The following KMT2E variants were observed in gnomAD, a reference collection of about 807,000 sequenced individuals.
The protein encoded by KMT2E is lysine methyltransferase 2E (inactive), also known as histone reader KMT2E.
A neutral mutation model predicts 184.6 loss-of-function variants in KMT2E; 30 were observed. The ratio of observed to expected loss-of-function variants is 0.16; its 90% CI spans 0.12 to 0.22. The LOEUF is 0.22. Among genes scored for constraint, KMT2E ranks in the 10% least tolerant of loss-of-function variants. The probability of loss-of-function intolerance (pLI) is 1.00; values close to 1 mark genes in which losing one functional copy is unlikely to be tolerated. For synonymous variants in KMT2E, 815 were observed against 776.5 expected, an observed-to-expected ratio of 1.05 and a Z score of -0.82; for missense variants, 2,023 against 2,237.4, an observed-to-expected ratio of 0.90 and a Z score of 1.93.
intron 1 of KMT2E, among the ~76,000 whole-genome samples, chr7:105,034,721 A>G (rs537615153): frequency 1.2e-4 from 18 of 152,132 alleles, no homozygotes; most frequent in South Asian, 4.2e-4. Context: ...TTGTTCTCCT[A>G]TGTAACCATA....
intron 17 of KMT2E, chr7:105,103,067 C>G (rs186762785): frequency 6.5e-4 from 99 of 152,194 alleles, no homozygotes; most frequent in African/African-American, 2.3e-3. Context: ...CTTACTGCAC[C>G]GCCATAGCTT....
intron 3 of KMT2E, among the ~76,000 whole-genome samples, chr7:105,059,754 T>C (rs1796715310): frequency 6.6e-6 from 1 of 151,808 alleles, no homozygotes; most frequent in African/African-American, 2.4e-5. Flanking sequence ...GTAGATATAA[T>C]GATGCATAGA....
chr7:105,100,326 A>G (rs1022391957), intron 15 of KMT2E, among the ~76,000 whole-genome samples: 1 of 152,228 alleles, frequency 6.6e-6, no homozygotes, highest in Non-Finnish European at 1.5e-5. Context: ...AGGTATCTTG[A>G]GGCTTGAATC....
intron 1 of KMT2E, among the ~76,000 whole-genome samples, chr7:105,023,704 C>T (rs1313367158): frequency 6.6e-6 from 1 of 152,090 alleles, no homozygotes; most frequent in Non-Finnish European, 1.5e-5. Flanking sequence ...CTTGGCCTTC[C>T]AAAGTGCTGG....
chr7:105,096,846 T>TTCATCCTTCACATCAAGTATTCCAC (rs1798431991), intron 15 of KMT2E, among the ~76,000 whole-genome samples: 1 of 152,194 alleles, frequency 6.6e-6, no homozygotes, highest in African/African-American at 2.4e-5. Context: ...TTTCTCGGCT[T>TTCATCCTTCACATCAAGTATTCCAC]TCATCCTTCA....
Position 105,078,960 on chromosome 7 carries a change from A to C in KMT2E, c.1245A>C (p.Ala415=). The change falls in exon 12 of 27, where the codon GCA becomes GCC. Residue 415 remains alanine (A), a synonymous_variant. Transcript: ENST00000311117. ...TCAGGCGGTCTTGTACACCCAATGC[A>C]GAGGTAAGCTTATAGAAATTTTTTG... is the stretch of plus-strand genomic sequence containing the variant. ...RFIRRSCTPN[A]EVRHEIQDGT... 3.2e-6 allele frequency: 5 copies of C among 1,579,136 alleles called. No individual in the cohort carries two copies. The highest frequency in any genetic ancestry group is 4.4e-6 in the Non-Finnish European group (5 of 1,148,788).
At chr7:105,022,790 T>C (rs1321999745) in intron 1 of KMT2E, among the ~76,000 whole-genome samples, 2 of 152,190 alleles carry the variant, frequency 1.3e-5, no homozygotes, top group African/African-American at 4.8e-5. Context: ...CATACACATA[T>C]ACACCAGGGT....
Position 105,036,175 on chromosome 7 carries a change from G to GT in KMT2E, c.-188-1940dup, listed in dbSNP as rs766099270. ...TGTTGTTGTTGTTGTTGTTCTTTTG[G>GT]TTTTTTTTTTTGTTTTTTTTTTTGG... is the stretch of plus-strand genomic sequence containing the variant. On this transcript the variant is annotated intron_variant, in intron 1 of 26. Transcript: ENST00000311117. Among the ~76,000 whole-genome samples, 740 of 133,068 alleles carry GT rather than the reference G, an allele frequency of 5.6e-3. 4 individuals carry two copies. Among genetic ancestry groups the GT allele is most frequent in the Middle Eastern group, 0.016 (4 of 254 alleles). The allele number at this position is 133,068 out of a possible 152,430, so 87.3% of individuals were successfully genotyped here.
In KMT2E at chr7:105,071,051, A is replaced by G. The variant is rs530217100; in HGVS notation, c.498-2568A>G. Among the ~76,000 whole-genome samples, 3 of 152,300 alleles carry G rather than the reference A, an allele frequency of 2.0e-5. No homozygotes were observed. In the East Asian group the frequency reaches 5.8e-4, roughly 29 times the overall value. ...GCTTATTATATGTAGATATGTATCT[A>G]TATATTTGTATTTCCTTCCTTATTT... On this transcript the variant is annotated intron_variant, in intron 6 of 26. Transcript: ENST00000311117.
chr7:105,101,762 C>G, intron 16 of KMT2E, 124 bp from the exon 17 acceptor site: 3 of 986,488 alleles, frequency 3.0e-6, no homozygotes, highest in East Asian at 2.8e-5. Flanking sequence ...TATCTCTGTT[C>G]TTTATTATAT....
chr7:105,100,922 G>C (rs1487346868), intron 15 of KMT2E, among the ~76,000 whole-genome samples: 3 of 152,018 alleles, frequency 2.0e-5, no homozygotes, highest in Admixed American at 2.0e-4. Context: ...AACTTGCCTG[G>C]AGTCACAGAG....
Position 105,112,911 on chromosome 7 carries a change from C to A in KMT2E, c.5155C>A (p.Pro1719Thr), listed in dbSNP as rs777332579. 6 of 1,613,548 alleles carry A rather than the reference C, an allele frequency of 3.7e-6. No homozygotes were observed. Among genetic ancestry groups the A allele is most frequent in the South Asian group, 2.2e-5 (2 of 91,054 alleles). The change falls in exon 27 of 27, where the codon CCT becomes ACT. Residue 1719 changes from proline to threonine, a missense_variant. By Grantham distance (38) the Pro-to-Thr change is conservative. This residue lies in a region of KMT2E where 1,108 missense variants were observed against 1,050.9 expected (regional missense o/e 1.05). Coordinates refer to ENST00000311117, the MANE Select transcript of KMT2E (RefSeq NM_182931.3). The part of the protein sequence containing the change: ...HVVNSAPPPP[P>T]PPPPSSVLAS... Reference sequence around the variant, plus strand: ...TGTAAATTCAGCACCCCCACCACCCCCTCCGCCGCCACCTTCCAGTGTTTT... The same window carrying A: ...TGTAAATTCAGCACCCCCACCACCCACTCCGCCGCCACCTTCCAGTGTTTT...
chr7:105,061,961 ATTTAT>A (rs1393723733), intron 3 of KMT2E, 198 bp from the exon 4 acceptor site: 8 of 393,946 alleles, frequency 2.0e-5, no homozygotes, highest in Admixed American at 4.3e-5. Context: ...GGATTGGGAC[ATTTAT>A]TTTACTTAAA....
chr7:105,101,946 C>G lies in KMT2E; in HGVS notation c.1948C>G (p.Gln650Glu). The change falls in exon 17 of 27, where the codon CAG (glutamine) becomes GAG (glutamate). Residue 650 changes from glutamine to glutamate, a missense_variant. By Grantham distance (29) the Gln-to-Glu change is conservative (BLOSUM62 2). Coordinates refer to ENST00000311117, the MANE Select transcript of KMT2E (RefSeq NM_182931.3). The part of the protein sequence containing the change: ...PTPAKVNRTK[Q>E]RKSFSRSRTH... ...CCCTGCCAAAGTAAATAGAACTAAA[C>G]AGAGAAAAAGTTTTTCTCGGAGTAG... 1 of 1,613,620 alleles carries G rather than the reference C, an allele frequency of 6.2e-7. No individual in the cohort carries two copies. Among genetic ancestry groups the G allele is most frequent in the Non-Finnish European group, 8.5e-7 (1 of 1,179,824 alleles).
In KMT2E at chr7:105,107,625, T is replaced by C. The variant is rs778649383; in HGVS notation, c.3168T>C (p.Thr1056=). The C allele has an allele frequency of 1.8e-5, 29 of 1,614,036 alleles. No homozygotes were observed. The highest frequency in any genetic ancestry group is 2.3e-5 in the Non-Finnish European group (27 of 1,180,022). The change falls in exon 22 of 27, where the codon ACT becomes ACC. Residue 1056 remains threonine, a synonymous_variant. Coordinates refer to ENST00000311117, the MANE Select transcript of KMT2E (RefSeq NM_182931.3). ...AGCCCAACAGCCAACTGGACTCGAC[T>C]CACTCTGGACGGGGCACAATGTATT... ...RAEPNSQLDS[T]HSGRGTMYSS...
chr7:105,016,364 CTAT>C (rs1794717380), intron 1 of KMT2E, among the ~76,000 whole-genome samples: 1 of 152,174 alleles, frequency 6.6e-6, no homozygotes, highest in East Asian at 1.9e-4. Context: ...TTACAGCATA[CTAT>C]CATCATTATG....
At chr7:105,059,015 T>G (rs1796685281) in intron 3 of KMT2E, among the ~76,000 whole-genome samples, 1 of 152,158 alleles carries the variant, frequency 6.6e-6, no homozygotes, top group East Asian at 1.9e-4. Context: ...GATATCAAAA[T>G]TATGTATGTG....
In KMT2E at chr7:105,082,239, G is replaced by GA. The variant is rs565629686; in HGVS notation, c.1358+444dup. On this transcript the variant is annotated intron_variant, in intron 13 of 26. Coordinates refer to ENST00000311117, the MANE Select transcript of KMT2E (RefSeq NM_182931.3). ...TGGAGATCCTACAAAGAAACTCTAA[G>GA]AACTATTTTTCTGAAATACTAGTAA... Among the ~76,000 whole-genome samples, 309 of 152,242 alleles carry GA rather than the reference G, an allele frequency of 2.0e-3. 1 individual carries two copies. Among genetic ancestry groups the GA allele is most frequent in the Non-Finnish European group, 3.7e-3 (249 of 68,000 alleles).
chr7:105,076,231 T>C (rs1797521410), intron 9 of KMT2E, 150 bp downstream of exon 9: 3 of 589,010 alleles, frequency 5.1e-6, no homozygotes. Flanking sequence ...TTAGTTCTAA[T>C]TGGAGTAATA....
Sources: allele counts gnomAD v4.1 joint callset (sites outside exome capture counted in the v4.1 genomes callset), GRCh38; gene constraint gnomAD v4.1.1; regional missense constraint gnomAD v4.1.1; transcripts MANE v1.5; gene names NCBI Gene and HGNC (gene_info 2026-07-23, HGNC 2026-07-21).